Variants in PHLDB1 observed in about 807,000 individuals in gnomAD.
PHLDB1 encodes pleckstrin homology-like domain family B member 1.
A neutral mutation model predicts 139.3 loss-of-function variants in PHLDB1; 65 were observed. That is an observed-to-expected ratio of 0.47 (90% confidence interval 0.38 to 0.57). PHLDB1 has a LOEUF of 0.57. Among genes scored for constraint, PHLDB1 ranks in the 20% least tolerant of loss-of-function variants. The probability of loss-of-function intolerance (pLI) is 0.00; values close to 1 mark genes in which losing one functional copy is unlikely to be tolerated. For synonymous variants in PHLDB1, 679 were observed against 734.5 expected (o/e 0.92, Z 1.22); for missense variants, 1,624 against 1,839.7 (o/e 0.88, Z 2.14).
chr11:118,623,874 T>TTGTGTG (rs3222268), intron 4 of PHLDB1, among the ~76,000 whole-genome samples: 26 of 141,284 alleles, frequency 1.8e-4, no homozygotes, highest in African/African-American at 6.1e-4. Context: ...CTCTGAACAT[T>TTGTGTG]TGTGTGTGTG....
intron 12 of PHLDB1, chr11:118,640,069 G>A: frequency 1.2e-6 from 1 of 860,608 alleles, no homozygotes; most frequent in Non-Finnish European, 1.4e-6. Context: ...CTGAGCCCCT[G>A]CCTACAGCTC....
At chr11:118,648,306 TGTGTG>T (rs1947860001) in intron 18 of PHLDB1, among the ~76,000 whole-genome samples, 1 of 149,022 alleles carries the variant, frequency 6.7e-6, no homozygotes. Context: ...TGTGTGTGTG[TGTGTG>T]TGTGTGTGTG....
At chr11:118,607,559 G>T (rs544929431), upstream of PHLDB1, 7 of 138,706 alleles carry the variant, frequency 5.0e-5, no homozygotes, top group Admixed American at 7.1e-5. Context: ...CTGGCGGGAG[G>T]GGGGCGGGAC....
chr11:118,624,934 G>C lies in PHLDB1; in HGVS notation c.356G>C (p.Gly119Ala). The stretch of plus-strand genomic sequence containing the variant: ...CTTCAAGTGTTTGCTTTCTCTGCAG[G>C]CTGCATGTTGTGCCTGGGTCAGTCC... ...PVRQPTRLTQ[G>A]CMLCLGQSTF... Residue 119 changes from glycine to alanine, a missense_variant and splice_region_variant, in exon 5 of 23, where the codon GGC (glycine) becomes GCC (alanine). Coordinates refer to ENST00000600882, the MANE Select transcript of PHLDB1 (RefSeq NM_001144758.3). The C allele has an allele frequency of 6.2e-7, 1 of 1,614,028 alleles. No individual in the cohort carries two copies. The highest frequency in any genetic ancestry group is 8.5e-7 in the Non-Finnish European group (1 of 1,179,962).
At chr11:118,612,895 G>A (rs984107655) in intron 1 of PHLDB1, among the ~76,000 whole-genome samples, 5 of 152,310 alleles carry the variant, frequency 3.3e-5, no homozygotes, top group African/African-American at 9.6e-5. Context: ...TCTCAGCTTA[G>A]CTAGTTGGCC....
chr11:118,627,640 A>G lies in PHLDB1; in HGVS notation c.817A>G (p.Ser273Gly). The change falls in exon 6 of 23, where the codon AGT becomes GGT. Residue 273 changes from serine (S) to glycine (G), a missense_variant. Ser to Gly is a moderately conservative substitution (Grantham distance 56, BLOSUM62 0). Coordinates refer to ENST00000600882, the MANE Select transcript of PHLDB1 (RefSeq NM_001144758.3). ...TGGAAGCTGTGCCAGTCACTCACCC[A>G]GTGGGCAAGAGCCAGGACCTTCTGT... ...SSGSCASHSP[S>G]GQEPGPSVPP... 6.2e-7 allele frequency: 1 copy of G among 1,612,418 alleles called. No homozygotes were observed. Among genetic ancestry groups the G allele is most frequent in the Non-Finnish European group, 8.5e-7 (1 of 1,180,028 alleles).
intron 5 of PHLDB1, chr11:118,626,918 G>A: frequency 4.4e-6 from 1 of 225,776 alleles, no homozygotes; most frequent in South Asian, 6.7e-5. Context: ...GCCTCCCCAA[G>A]TGTTGGGATT....
chr11:118,628,604 G>A lies in PHLDB1; in HGVS notation c.1781G>A (p.Arg594Gln), dbSNP rs782708400. ...DNEDDLLEYH[R>Q]RQRQERLREQ... ...GAGGACGACCTCCTGGAGTACCACC[G>A]GCGACAGCGCCAAGAGCGGCTCCGG... is the stretch of plus-strand genomic sequence containing the variant. Residue 594 changes from arginine (R) to glutamine (Q), a missense_variant, in exon 6 of 23, where the codon CGG (arginine) becomes CAG (glutamine). Physicochemically the swap from Arg to Gln is conservative, Grantham distance 43 (BLOSUM62 1). Coordinates refer to ENST00000600882, the MANE Select transcript of PHLDB1 (RefSeq NM_001144758.3). 17 of 1,612,368 alleles carry A rather than the reference G, an allele frequency of 1.1e-5. No individual in the cohort carries two copies. Among genetic ancestry groups the A allele is most frequent in the South Asian group, 2.2e-5 (2 of 90,864 alleles).
rs1555123945 is a variant in PHLDB1, at chr11:118,643,893, T to C, written c.2971T>C (p.Ser991Pro). 1.3e-6 allele frequency: 2 copies of C among 1,588,268 alleles called. No individual in the cohort carries two copies. Among genetic ancestry groups the C allele is most frequent in the South Asian group, 2.2e-5 (2 of 90,222 alleles). ...LPSSSGSSSS[S>P]SQLSVATLGR... ...CTCCTCCTCTGGCTCTTCCTCCTCC[T>C]CCTCCCAGCTCAGCGTGGCTACCCT... Residue 991 changes from serine to proline, a missense_variant, in exon 14 of 23, where the codon TCC becomes CCC. Transcript: ENST00000600882.
Position 118,647,964 on chromosome 11 carries a change from A to G in PHLDB1, c.3542A>G (p.Glu1181Gly). The part of the protein sequence containing the change: ...REMELRRQAL[E>G]EERRRREQVE... ...ATGGAGCTGCGGCGGCAGGCCCTGG[A>G]GGAGGAGCGGCGGAGGCGTGAGCAG... is the stretch of plus-strand genomic sequence containing the variant. The change falls in exon 18 of 23, where the codon GAG becomes GGG. Residue 1181 changes from glutamate (E) to glycine (G), a missense_variant. Physicochemically the swap from Glu to Gly is moderately conservative, Grantham distance 98. Coordinates refer to ENST00000600882, the MANE Select transcript of PHLDB1 (RefSeq NM_001144758.3). The G allele has an allele frequency of 6.3e-7, 1 of 1,589,190 alleles. No individual in the cohort carries two copies. The highest frequency in any genetic ancestry group is 8.6e-7 in the Non-Finnish European group (1 of 1,168,080).
At chr11:118,642,459 C>G in intron 13 of PHLDB1, 65 bp downstream of exon 13, 1 of 1,533,272 alleles carries the variant, frequency 6.5e-7, no homozygotes, top group East Asian at 2.3e-5. Context: ...TACCTCCTGC[C>G]AATCCATCAG....
intron 3 of PHLDB1, chr11:118,614,929 G>A: frequency 2.3e-6 from 1 of 430,982 alleles, no homozygotes; most frequent in Non-Finnish European, 4.3e-6. Context: ...AGGTGTGGTG[G>A]CTCACGCCTG....
At chr11:118,629,935 T>G (rs1944499900) in intron 6 of PHLDB1, 1 of 1,131,936 alleles carries the variant, frequency 8.8e-7, no homozygotes, top group Admixed American at 2.6e-5. Flanking sequence ...CTGCCCGCCC[T>G]GCCCCTCCCA....
intron 12 of PHLDB1, chr11:118,641,899 T>C: frequency 5.3e-6 from 4 of 749,886 alleles, no homozygotes; most frequent in Non-Finnish European, 5.8e-6. Context: ...GAGTGCCCAG[T>C]GCCTGCAGGC....
intron 22 of PHLDB1, 85 bp downstream of exon 22, chr11:118,655,977 C>G: frequency 2.0e-6 from 2 of 980,004 alleles, no homozygotes; most frequent in South Asian, 2.7e-5. Context: ...CCCTTCATCC[C>G]CCTCCCTTCC....
chr11:118,653,844 G>C (rs1430727652), intron 20 of PHLDB1: 1 of 152,230 alleles, frequency 6.6e-6, no homozygotes, highest in African/African-American at 2.4e-5. Flanking sequence ...GAACACAGGA[G>C]AGCACAACTG....
At chr11:118,622,584 T>G (rs1480589607) in intron 4 of PHLDB1, among the ~76,000 whole-genome samples, 1 of 152,078 alleles carries the variant, frequency 6.6e-6, no homozygotes, top group Non-Finnish European at 1.5e-5. Context: ...ACATCCTACT[T>G]GGGTGGGCCT....
At chr11:118,644,326 A>AGAGCTTCCTGGATATTTATC in intron 15 of PHLDB1, 152 bp downstream of exon 15, 1 of 626,324 alleles carries the variant, frequency 1.6e-6, no homozygotes, top group South Asian at 1.9e-5. Context: ...TACCTAAAGA[A>AGAGCTTCCTGGATATTTATC]GAGCTTCCTG....
intron 12 of PHLDB1, chr11:118,639,939 G>A: frequency 1.0e-6 from 1 of 986,190 alleles, no homozygotes; most frequent in Non-Finnish European, 1.2e-6. Flanking sequence ...GTCTTCTCAG[G>A]CTGGGGCCTC....
Sources: allele counts gnomAD v4.1 joint callset (sites outside exome capture counted in the v4.1 genomes callset), GRCh38; gene constraint gnomAD v4.1.1; transcripts MANE v1.5; gene names NCBI Gene and HGNC (gene_info 2026-07-23, HGNC 2026-07-21).